Variants in IWS1 observed in about 807,000 individuals in gnomAD.
The protein encoded by IWS1 is interacts with SUPT6H, CTD assembly factor 1.
Under a neutral mutation model 86.7 loss-of-function variants are expected in IWS1, and 27 were observed. The ratio of observed to expected loss-of-function variants is 0.31; its 90% CI spans 0.23 to 0.43. The LOEUF (loss-of-function observed/expected upper bound fraction) is 0.43. Among genes scored for constraint, IWS1 ranks in the 20% least tolerant of loss-of-function variants. IWS1 has a pLI of 1.00. For synonymous variants in IWS1, 313 were observed against 335.1 expected, an observed-to-expected ratio of 0.93 and a Z score of 0.72; for missense variants, 827 against 1,000.8, an observed-to-expected ratio of 0.83 and a Z score of 2.34.
intron 2 of IWS1, among the ~76,000 whole-genome samples, chr2:127,518,554 A>C (rs1043371294): frequency 1.3e-4 from 19 of 146,610 alleles, no homozygotes; most frequent in African/African-American, 4.8e-4. Context: ...TTTAAAGGAC[A>C]GGCGATTCTT....
intron 1 of IWS1, among the ~76,000 whole-genome samples, chr2:127,524,319 G>A (rs1390403661): frequency 6.6e-6 from 1 of 152,112 alleles, no homozygotes; most frequent in Non-Finnish European, 1.5e-5. Flanking sequence ...TTCAAGAAAA[G>A]CATATATAAA....
At chr2:127,484,337 A>G (rs1272255555) in intron 13 of IWS1, 1 of 152,050 alleles carries the variant, frequency 6.6e-6, no homozygotes, top group Non-Finnish European at 1.5e-5. Context: ...AACAAAAAAC[A>G]AAAAACCCTA....
intron 2 of IWS1, among the ~76,000 whole-genome samples, chr2:127,517,480 C>T (rs562784799): frequency 6.6e-6 from 1 of 152,288 alleles, no homozygotes; most frequent in East Asian, 1.9e-4. Flanking sequence ...CCAAGACCAT[C>T]CAATGGGGAA....
chr2:127,495,067 T>G, intron 7 of IWS1, 113 bp from the exon 8 acceptor site: 1 of 638,034 alleles, frequency 1.6e-6, no homozygotes, highest in Non-Finnish European at 2.6e-6. Flanking sequence ...CAATTTTTCC[T>G]ACAAGAAAGA....
At chr2:127,519,980 A>G (rs1573568414) in intron 2 of IWS1, among the ~76,000 whole-genome samples, 1 of 152,314 alleles carries the variant, frequency 6.6e-6, no homozygotes, top group South Asian at 2.1e-4. Context: ...CTTCCCTCAG[A>G]GAAGAACACA....
intron 8 of IWS1, 90 bp from the exon 9 acceptor site, chr2:127,493,500 A>G: frequency 8.1e-7 from 1 of 1,240,084 alleles, no homozygotes; most frequent in Non-Finnish European, 1.1e-6. Context: ...TGTTTCTAAA[A>G]ACTGCTTTTA....
intron 2 of IWS1, among the ~76,000 whole-genome samples, chr2:127,509,979 T>C (rs1223141867): frequency 6.6e-6 from 1 of 152,222 alleles, no homozygotes; most frequent in Non-Finnish European, 1.5e-5. Context: ...TATCGTCAAA[T>C]GGAAACGTGT....
Position 127,511,873 on chromosome 2 carries a change from A to C in IWS1, c.151-6121T>G, listed in dbSNP as rs137942319. Reference sequence around the variant, plus strand: ...CAGCAATGGCCAAGACAAATCTTCTAGTTGTTTTGATGTACTCCCCCATAA... The same window carrying C: ...CAGCAATGGCCAAGACAAATCTTCTCGTTGTTTTGATGTACTCCCCCATAA... On this transcript the variant is annotated intron_variant, in intron 2 of 13. Transcript: ENST00000295321. Among the ~76,000 whole-genome samples, 1,474 of 152,366 alleles carry C rather than the reference A, an allele frequency of 9.7e-3. 30 individuals are homozygous for C. Among genetic ancestry groups the C allele is most frequent in the African/African-American group, 0.034 (1,395 of 41,580 alleles).
chr2:127,521,739 T>A (rs958697944), intron 2 of IWS1, among the ~76,000 whole-genome samples: 4 of 152,222 alleles, frequency 2.6e-5, no homozygotes, highest in African/African-American at 7.2e-5. Context: ...ATCGCAAAGT[T>A]GAAAATTTTT....
chr2:127,514,573 C>G (rs1004770154), intron 2 of IWS1: 1 of 152,364 alleles, frequency 6.6e-6, no homozygotes, highest in African/African-American at 2.4e-5. Flanking sequence ...CTGTGACATC[C>G]TTGGGGCTCT....
chr2:127,483,594 G>GGGGGGGGGT (rs1689763140), intron 13 of IWS1, among the ~76,000 whole-genome samples: 2 of 35,434 alleles, frequency 5.6e-5, no homozygotes, highest in African/African-American at 1.7e-4. Flanking sequence ...GGTGGGGTGG[G>GGGGGGGGGT]GGGGTTGGGC....
chr2:127,481,426 C>T (rs1023257500), intron 13 of IWS1, among the ~76,000 whole-genome samples: 1 of 151,342 alleles, frequency 6.6e-6, no homozygotes, highest in African/African-American at 2.4e-5. Flanking sequence ...CCATGGAGGT[C>T]TCCTAGATGG....
chr2:127,492,343 A>G (rs1481320244), intron 9 of IWS1, among the ~76,000 whole-genome samples: 1 of 152,012 alleles, frequency 6.6e-6, no homozygotes, highest in Non-Finnish European at 1.5e-5. Flanking sequence ...TCAAGAGTTC[A>G]AGACCAGCCT....
intron 13 of IWS1, among the ~76,000 whole-genome samples, chr2:127,483,385 G>A (rs1280313480): frequency 6.6e-6 from 1 of 152,046 alleles, no homozygotes; most frequent in African/African-American, 2.4e-5. Context: ...CACGCTGGGA[G>A]GTCAAGGCCA....
At chr2:127,508,475 A>G (rs1691266198) in intron 2 of IWS1, among the ~76,000 whole-genome samples, 1 of 152,236 alleles carries the variant, frequency 6.6e-6, no homozygotes. Flanking sequence ...GGCAAAAAGG[A>G]AAATTATAAT....
chr2:127,522,722 T>C (rs577159435), intron 2 of IWS1, among the ~76,000 whole-genome samples: 4 of 152,238 alleles, frequency 2.6e-5, no homozygotes, highest in Non-Finnish European at 5.9e-5. Context: ...TCATTCCTAT[T>C]TGTTTCAGTC....
chr2:127,504,973 C>A lies in IWS1; in HGVS notation c.930G>T (p.Gly310=), dbSNP rs747303795. ...SDSESEGPQK[G]PASDSETEDA... is the part of the protein sequence containing the mutation. ...CCTCAGTTTCTGAGTCACTGGCAGG[C>A]CCCTTCTGAGGCCCCTCACTCTCAG... Residue 310 remains glycine (G), a synonymous_variant, in exon 3 of 14, where the codon GGG becomes GGT. Coordinates refer to ENST00000295321, the MANE Select transcript of IWS1 (RefSeq NM_017969.3). The A allele has an allele frequency of 1.2e-6, 2 of 1,613,580 alleles. 1 individual carries two copies. Among genetic ancestry groups the A allele is most frequent in the South Asian group, 2.2e-5 (2 of 91,068 alleles).
chr2:127,503,282 T>C (rs924853908), intron 4 of IWS1, 105 bp downstream of exon 4: 2 of 790,230 alleles, frequency 2.5e-6, no homozygotes, highest in African/African-American at 3.4e-5. Flanking sequence ...AAATACTAAA[T>C]CCCCAAAGAC....
intron 2 of IWS1, among the ~76,000 whole-genome samples, chr2:127,516,063 A>G (rs1691756521): frequency 6.6e-6 from 1 of 152,142 alleles, no homozygotes; most frequent in South Asian, 2.1e-4. Flanking sequence ...GGCTTGTGAG[A>G]CCATGCCAAG....
Sources: gnomAD v4.1 joint callset for allele counts (sites outside exome capture counted in the v4.1 genomes callset) on GRCh38, gnomAD v4.1.1 for gene constraint, MANE v1.5 for transcripts, NCBI Gene and HGNC (gene_info 2026-07-23, HGNC 2026-07-21) for gene names.